The following KLHL1 variants were observed in gnomAD, a reference collection of about 807,000 sequenced individuals.
KLHL1 encodes the protein kelch like family member 1.
In KLHL1, 47 loss-of-function variants were observed where a neutral mutation model predicts 77.7. The observed-to-expected ratio is 0.60, with a 90% CI of 0.48 to 0.77. The LOEUF is 0.77. Ranked by LOEUF, KLHL1 falls within the 30% of genes least tolerant of loss-of-function variation. The pLI, the probability that KLHL1 is intolerant of heterozygous loss-of-function variation, is 0.00. For synonymous variants in KLHL1, 360 were observed against 325.2 expected (o/e 1.11, Z -1.15); for missense variants, 925 against 910.8 (o/e 1.02, Z -0.20).
intron 1 of KLHL1, among the ~76,000 whole-genome samples, chr13:70,042,224 C>T (rs934371054): frequency 6.6e-6 from 1 of 152,032 alleles, no homozygotes; most frequent in Non-Finnish European, 1.5e-5. Context: ...TTGCAATCTG[C>T]CTTCCTAAAT....
At chr13:69,944,299 C>A (rs914359629) in intron 3 of KLHL1, among the ~76,000 whole-genome samples, 1 of 152,202 alleles carries the variant, frequency 6.6e-6, no homozygotes, top group Non-Finnish European at 1.5e-5. Flanking sequence ...ATTTCACACA[C>A]TTTGTCACAA....
At chr13:69,951,716 T>C (rs1406688047) in intron 3 of KLHL1, among the ~76,000 whole-genome samples, 6 of 151,606 alleles carry the variant, frequency 4.0e-5, no homozygotes, top group Admixed American at 2.0e-4. Context: ...TTCCAAAATA[T>C]GCTTCATATG....
chr13:69,844,059 A>G (rs555374823), intron 5 of KLHL1, among the ~76,000 whole-genome samples: 2 of 151,766 alleles, frequency 1.3e-5, no homozygotes, highest in Non-Finnish European at 3.0e-5. Flanking sequence ...CAAATTTTAT[A>G]AATAATGGAT....
rs1016185305 is a variant in KLHL1, at chr13:69,882,512, T to C, written c.1015-17A>G. The C allele has an allele frequency of 7.7e-6, 12 of 1,564,548 alleles. No homozygotes were observed. In the Admixed American group the frequency reaches 1.8e-4, roughly 24 times the overall value. On this transcript the variant is annotated splice_polypyrimidine_tract_variant and intron_variant, in intron 4 of 10. Transcript: ENST00000377844. ...TATGTTTTCCTGCAGGGAGAAAATATCTTGGCATAAATTCTGTTTCACTTT... is the reference window on the plus strand; with the variant it reads ...TATGTTTTCCTGCAGGGAGAAAATACCTTGGCATAAATTCTGTTTCACTTT...
intron 7 of KLHL1, among the ~76,000 whole-genome samples, chr13:69,788,964 T>C (rs937999709): frequency 5.3e-5 from 8 of 150,334 alleles, no homozygotes; most frequent in Non-Finnish European, 7.4e-5. Context: ...TTTTCCTCTT[T>C]TCCCCTCTCA....
At chr13:69,969,962 T>C (rs1262520028) in intron 2 of KLHL1, among the ~76,000 whole-genome samples, 1 of 152,222 alleles carries the variant, frequency 6.6e-6, no homozygotes, top group Non-Finnish European at 1.5e-5. Flanking sequence ...TTCAATTTAT[T>C]ATGGTGTTTG....
intron 1 of KLHL1, among the ~76,000 whole-genome samples, chr13:70,066,714 A>G (rs1283552070): frequency 1.3e-5 from 2 of 152,200 alleles, no homozygotes; most frequent in African/African-American, 4.8e-5. Context: ...GTCCTTGTCA[A>G]TGTCAAAGCT....
At chr13:69,934,209 A>C (rs1258058927) in intron 4 of KLHL1, among the ~76,000 whole-genome samples, 1 of 152,162 alleles carries the variant, frequency 6.6e-6, no homozygotes, top group East Asian at 1.9e-4. Flanking sequence ...CACCAGCATC[A>C]TTGGTGGTAA....
chr13:69,785,290 A>G (rs1423217949), intron 7 of KLHL1, among the ~76,000 whole-genome samples: 1 of 152,228 alleles, frequency 6.6e-6, no homozygotes, highest in Non-Finnish European at 1.5e-5. Context: ...AAGAATAGAA[A>G]TTATAACGAA....
intron 4 of KLHL1, among the ~76,000 whole-genome samples, chr13:69,906,506 T>C (rs9542110): frequency 0.44 from 67,509 of 151,734 alleles, 15,687 homozygotes; most frequent in South Asian, 0.6. Flanking sequence ...TGTTGATATA[T>C]TGAGTGTTTT....
At chr13:69,863,971 C>T (rs1880272636) in intron 5 of KLHL1, among the ~76,000 whole-genome samples, 1 of 151,878 alleles carries the variant, frequency 6.6e-6, no homozygotes, top group South Asian at 2.1e-4. Context: ...TGTTGAAAAG[C>T]TCAAATTACA....
intron 5 of KLHL1, among the ~76,000 whole-genome samples, chr13:69,855,615 C>T (rs1879879633): frequency 6.6e-6 from 1 of 151,572 alleles, no homozygotes; most frequent in African/African-American, 2.4e-5. Context: ...TTATAAGGGG[C>T]TCTCCCTGCT....
At chr13:69,743,615 G>A (rs928559070) in intron 7 of KLHL1, among the ~76,000 whole-genome samples, 34 of 151,854 alleles carry the variant, frequency 2.2e-4, no homozygotes, top group South Asian at 4.2e-4. Context: ...CAAAAATCTC[G>A]TCTCTACTAA....
chr13:70,042,344 A>G (rs554512541), intron 1 of KLHL1, among the ~76,000 whole-genome samples: 1 of 152,164 alleles, frequency 6.6e-6, no homozygotes, highest in African/African-American at 2.4e-5. Flanking sequence ...TTTAGTAATA[A>G]TTAACTTTAA....
At chr13:69,880,077 C>T (rs1400222228) in intron 5 of KLHL1, among the ~76,000 whole-genome samples, 1 of 152,116 alleles carries the variant, frequency 6.6e-6, no homozygotes. Context: ...AAATGGCACT[C>T]ATATTGTAGA....
intron 9 of KLHL1, among the ~76,000 whole-genome samples, 159 bp downstream of exon 9, chr13:69,719,210 G>A (rs1388349343): frequency 1.0e-4 from 3 of 29,904 alleles, no homozygotes; most frequent in African/African-American, 1.8e-4. Context: ...GTGTGTGTGT[G>A]AGAGAGAGAG....
Position 70,107,347 on chromosome 13 carries a change from G to A in KLHL1, c.353C>T (p.Thr118Ile), listed in dbSNP as rs1416780113. The change falls in exon 1 of 11, where the codon ACT becomes ATT. Residue 118 changes from threonine to isoleucine, a missense_variant. Transcript: ENST00000377844. ...CTCTAGTGACTCCACGTAGAAGAGA[G>A]TCCTGGCTGGCTGCTGAGTGCCCTG... ...PGQGTQQPAR[T>I]LFYVESLEEE... 1 of 1,614,030 alleles carries A rather than the reference G, an allele frequency of 6.2e-7. No homozygotes were observed. The highest frequency in any genetic ancestry group is 1.7e-5 in the Admixed American group (1 of 60,024).
Position 70,049,642 on chromosome 13 carries a change from T to C in KLHL1, c.497+57561A>G, listed in dbSNP as rs184400180. Among the ~76,000 whole-genome samples the C allele has an allele frequency of 4.9e-3, 754 of 152,326 alleles. 6 individuals are homozygous for C. Among genetic ancestry groups the C allele is most frequent in the African/African-American group, 0.017 (703 of 41,582 alleles). On this transcript the variant is annotated intron_variant, in intron 1 of 10. Coordinates refer to ENST00000377844, the MANE Select transcript of KLHL1 (RefSeq NM_020866.3). ...TTTACACAGATTTTATAATTTATGA[T>C]GCATTTTAATATACAGTACATTATC... is the stretch of plus-strand genomic sequence containing the variant.
chr13:69,849,426 C>T (rs1457772180), intron 5 of KLHL1, among the ~76,000 whole-genome samples: 2 of 151,484 alleles, frequency 1.3e-5, no homozygotes, highest in Non-Finnish European at 3.0e-5. Context: ...CTCTTCTGAT[C>T]TCTTTCTTCT....
Sources: gnomAD v4.1 joint callset for allele counts (sites outside exome capture counted in the v4.1 genomes callset) on GRCh38, gnomAD v4.1.1 for gene constraint, MANE v1.5 for transcripts, NCBI Gene and HGNC (gene_info 2026-07-23, HGNC 2026-07-21) for gene names.